Variants in DNAJC5B observed in about 807,000 individuals in gnomAD.
DNAJC5B encodes dnaJ homolog subfamily C member 5B.
DNAJC5B carries 23 observed loss-of-function variants against 24.7 expected under a neutral mutation model. That is an observed-to-expected ratio of 0.93 (90% CI 0.67 to 1.32). The LOEUF (loss-of-function observed/expected upper bound fraction) is 1.32, where lower values mean the gene tolerates loss of function less well. Ranked by LOEUF, DNAJC5B falls within the 40% of genes most tolerant of loss-of-function variation. The pLI is 0.00. For synonymous variants in DNAJC5B, 101 were observed against 90.1 expected (o/e 1.12, Z -0.68); for missense variants, 238 against 240.8 (o/e 0.99, Z 0.08).
At chr8:66,032,952 A>G (rs1806391560) in intron 1 of DNAJC5B, among the ~76,000 whole-genome samples, 1 of 152,216 alleles carries the variant, frequency 6.6e-6, no homozygotes, top group Non-Finnish European at 1.5e-5. Flanking sequence ...CATCGTGACA[A>G]CATAAGCAGT....
rs376626743 is a variant in DNAJC5B, at chr8:66,098,134, G to T, written c.506-1803G>T. ...CTCCCAAAGTGCTGGGATTACAGGC[G>T]TGAGCCACTGCACCCAGCCCAAAAT... On this transcript the variant is annotated intron_variant, in intron 5 of 5. Transcript: ENST00000276570. Among the ~76,000 whole-genome samples the T allele has an allele frequency of 3.2e-4, 49 of 152,220 alleles. 1 individual carries two copies. The highest frequency in any genetic ancestry group is 1.1e-3 in the African/African-American group (47 of 41,544).
intron 3 of DNAJC5B, among the ~76,000 whole-genome samples, chr8:66,072,617 G>T (rs2128963134): frequency 6.6e-6 from 1 of 152,168 alleles, no homozygotes; most frequent in East Asian, 1.9e-4. Context: ...CCGTATGTTT[G>T]AAAATTAGGA....
intron 3 of DNAJC5B, among the ~76,000 whole-genome samples, chr8:66,075,641 T>C (rs1807445799): frequency 6.6e-6 from 1 of 152,148 alleles, no homozygotes. Context: ...ACCATCATTG[T>C]TTGATTTTTA....
intron 5 of DNAJC5B, among the ~76,000 whole-genome samples, chr8:66,082,752 G>C (rs1807624251): frequency 6.6e-6 from 1 of 151,980 alleles, no homozygotes; most frequent in Non-Finnish European, 1.5e-5. Context: ...ACCTCTTTAA[G>C]AAAAAGAACA....
intron 1 of DNAJC5B, among the ~76,000 whole-genome samples, chr8:66,034,402 G>A (rs1429910641): frequency 6.6e-6 from 1 of 152,044 alleles, no homozygotes; most frequent in South Asian, 2.1e-4. Context: ...GTTGGCTGGG[G>A]TGGTGGATAG....
intron 2 of DNAJC5B, among the ~76,000 whole-genome samples, chr8:66,044,189 T>G (rs1242943318): frequency 1.3e-5 from 2 of 152,134 alleles, no homozygotes; most frequent in Non-Finnish European, 2.9e-5. Context: ...AGGATTTGCA[T>G]TTTGGAAGTT....
chr8:66,041,030 G>GC, intron 1 of DNAJC5B, among the ~76,000 whole-genome samples: 1 of 50,378 alleles, frequency 2.0e-5, no homozygotes, highest in Admixed American at 1.6e-4. Flanking sequence ...ATCTTAGATA[G>GC]AGTGGTAGTG....
chr8:66,034,952 G>A (rs1806449642), intron 1 of DNAJC5B, among the ~76,000 whole-genome samples: 1 of 152,146 alleles, frequency 6.6e-6, no homozygotes, highest in Non-Finnish European at 1.5e-5. Context: ...AAAGTTGTTG[G>A]GTCATCTTGT....
chr8:66,027,882 C>G (rs143446128), intron 1 of DNAJC5B, among the ~76,000 whole-genome samples: 84 of 152,246 alleles, frequency 5.5e-4, no homozygotes, highest in African/African-American at 1.9e-3. Context: ...TTTTTGAAAA[C>G]TTAATATGCA....
intron 5 of DNAJC5B, among the ~76,000 whole-genome samples, chr8:66,092,667 A>C (rs754194475): frequency 6.6e-6 from 1 of 152,122 alleles, no homozygotes; most frequent in Non-Finnish European, 1.5e-5. Flanking sequence ...ACCAGTTCTT[A>C]CTATTCTTTT....
chr8:66,079,734 A>G (rs188802954), intron 4 of DNAJC5B, among the ~76,000 whole-genome samples: 2 of 152,332 alleles, frequency 1.3e-5, no homozygotes, highest in East Asian at 3.9e-4. Context: ...TCACTCTATC[A>G]GCAATGCGCA....
chr8:66,073,815 T>A (rs1035630873), intron 3 of DNAJC5B, among the ~76,000 whole-genome samples: 4 of 152,028 alleles, frequency 2.6e-5, no homozygotes, highest in African/African-American at 9.7e-5. Flanking sequence ...TCCAGCACAT[T>A]AAAATGTCAG....
At chr8:66,059,357 A>G (rs1807032195) in intron 3 of DNAJC5B, among the ~76,000 whole-genome samples, 1 of 152,252 alleles carries the variant, frequency 6.6e-6, no homozygotes, top group South Asian at 2.1e-4. Context: ...AGATAGGCCT[A>G]GAAGAAGTCA....
intron 5 of DNAJC5B, among the ~76,000 whole-genome samples, chr8:66,086,253 C>A (rs2128965791): frequency 6.6e-6 from 1 of 152,248 alleles, no homozygotes; most frequent in East Asian, 1.9e-4. Context: ...TTATTTCTTC[C>A]ATTCCAATCT....
In DNAJC5B at chr8:66,097,131, C is replaced by T. The variant is rs1807969914; in HGVS notation, c.506-2806C>T. On this transcript the variant is annotated intron_variant, in intron 5 of 5. Transcript: ENST00000276570. ...TGCTGGACATGTAATAAGATATATA[C>T]ATATACCTACTTTCTGGTAATTTTT... Among the ~76,000 whole-genome samples, 3 of 151,638 alleles carry T rather than the reference C, an allele frequency of 2.0e-5. No individual in the cohort carries two copies. In the South Asian group the frequency reaches 6.2e-4, roughly 31 times the overall value.
At chr8:66,091,531 C>T (rs1440966769) in intron 5 of DNAJC5B, among the ~76,000 whole-genome samples, 1 of 152,090 alleles carries the variant, frequency 6.6e-6, no homozygotes, top group Non-Finnish European at 1.5e-5. Context: ...GCATGCCAGG[C>T]AAGGCAGGTA....
chr8:66,022,247 A>C (rs1050047729), intron 1 of DNAJC5B, among the ~76,000 whole-genome samples: 1 of 152,190 alleles, frequency 6.6e-6, no homozygotes, highest in African/African-American at 2.4e-5. Context: ...GGGGATGCGG[A>C]CAGTTCTGTT....
intron 1 of DNAJC5B, among the ~76,000 whole-genome samples, chr8:66,023,577 G>A (rs1443004981): frequency 1.3e-5 from 2 of 152,104 alleles, no homozygotes; most frequent in African/African-American, 2.4e-5. Context: ...CGGTCTTCCT[G>A]TGGCCTTGTC....
chr8:66,018,546 A>C (rs1438942060), upstream of DNAJC5B, among the ~76,000 whole-genome samples: 2 of 152,018 alleles, frequency 1.3e-5, no homozygotes, highest in Non-Finnish European at 2.9e-5. Context: ...AACAAACAAA[A>C]AACAAAAACA....
Sources: gnomAD v4.1 joint callset for allele counts (sites outside exome capture counted in the v4.1 genomes callset) on GRCh38, gnomAD v4.1.1 for gene constraint, MANE v1.5 for transcripts, NCBI Gene and HGNC (gene_info 2026-07-23, HGNC 2026-07-21) for gene names.